The following WDR27 variants were observed in gnomAD, a reference collection of about 807,000 sequenced individuals.
The protein encoded by WDR27 is WD repeat-containing protein 27.
In WDR27, 100 loss-of-function variants were observed where a neutral mutation model predicts 114.4. That is an observed-to-expected ratio of 0.87 (90% CI 0.74 to 1.03). The LOEUF (loss-of-function observed/expected upper bound fraction) is 1.03, where lower values mean the gene tolerates loss of function less well. Among genes scored for constraint, WDR27 ranks in the 50% least tolerant of loss-of-function variants. The probability of loss-of-function intolerance (pLI) is 0.00; values close to 1 mark genes in which losing one functional copy is unlikely to be tolerated. For missense variants in WDR27, 1,129 were observed against 1,092.9 expected (o/e 1.03, Z -0.47); for synonymous variants, 449 against 423.1 (o/e 1.06, Z -0.75).
intron 25 of WDR27, among the ~76,000 whole-genome samples, chr6:169,489,097 C>A (rs1789371944): frequency 6.6e-6 from 1 of 152,052 alleles, no homozygotes; most frequent in African/African-American, 2.4e-5. Flanking sequence ...TACTTCCCGA[C>A]CCTGGTGCAG....
chr6:169,564,936 A>G (rs887749771), intron 25 of WDR27, among the ~76,000 whole-genome samples: 3 of 152,232 alleles, frequency 2.0e-5, no homozygotes, highest in African/African-American at 7.2e-5. Context: ...CAGGTGCAGA[A>G]CGGGTCGGGA....
chr6:169,624,008 G>A (rs750774574), intron 21 of WDR27, among the ~76,000 whole-genome samples: 3 of 152,144 alleles, frequency 2.0e-5, no homozygotes, highest in Non-Finnish European at 4.4e-5. Flanking sequence ...ACACAGGATT[G>A]GGGACATGGG....
intron 25 of WDR27, among the ~76,000 whole-genome samples, chr6:169,461,657 AC>A (rs200391415): frequency 0.01 from 1,528 of 148,334 alleles, 17 homozygotes; most frequent in African/African-American, 0.019. Flanking sequence ...TAAAAAAAAA[AC>A]AAAACAAGAA....
At chr6:169,500,750 C>G (rs891648877) in intron 25 of WDR27, among the ~76,000 whole-genome samples, 3 of 152,152 alleles carry the variant, frequency 2.0e-5, no homozygotes, top group African/African-American at 7.2e-5. Flanking sequence ...TGGTGGAGAC[C>G]GCAGTGACAC....
At chr6:169,594,817 A>G (rs921278180) in intron 23 of WDR27, among the ~76,000 whole-genome samples, 2 of 152,208 alleles carry the variant, frequency 1.3e-5, no homozygotes, top group African/African-American at 4.8e-5. Flanking sequence ...TGTATTCAGC[A>G]TGGACTCAGA....
intron 25 of WDR27, among the ~76,000 whole-genome samples, chr6:169,524,259 A>C (rs1794714402): frequency 6.6e-6 from 1 of 152,208 alleles, no homozygotes; most frequent in African/African-American, 2.4e-5. Context: ...GAAAAATATA[A>C]AACAATGATG....
intron 25 of WDR27, among the ~76,000 whole-genome samples, chr6:169,476,801 C>T (rs1249048022): frequency 6.6e-6 from 1 of 151,982 alleles, no homozygotes; most frequent in Non-Finnish European, 1.5e-5. Context: ...ATGCAGTGAC[C>T]TTGTTGAATT....
chr6:169,463,412 A>G (rs1785157756), intron 25 of WDR27, among the ~76,000 whole-genome samples: 1 of 152,192 alleles, frequency 6.6e-6, no homozygotes, highest in Admixed American at 6.5e-5. Flanking sequence ...AGCATCACAT[A>G]TGAAAAACCA....
intron 25 of WDR27, among the ~76,000 whole-genome samples, chr6:169,564,546 C>T (rs1800151099): frequency 1.3e-5 from 2 of 152,370 alleles, no homozygotes; most frequent in African/African-American, 4.8e-5. Flanking sequence ...GTCCCTCCCT[C>T]ACCACCTCCT....
chr6:169,435,407 C>T, the WDR27 span, among the ~76,000 whole-genome samples: 1 of 152,186 alleles, frequency 6.6e-6, no homozygotes, highest in Non-Finnish European at 1.5e-5. Context: ...TTGCACCGTG[C>T]TCCTGGAAAA....
chr6:169,538,735 CAA>C (rs1491569970), intron 25 of WDR27, among the ~76,000 whole-genome samples: 3 of 149,988 alleles, frequency 2.0e-5, no homozygotes, highest in Non-Finnish European at 3.0e-5. Flanking sequence ...CACACACACA[CAA>C]ACACACTTAT....
chr6:169,668,874 C>T (rs540736523), intron 4 of WDR27: 1 of 152,338 alleles, frequency 6.6e-6, no homozygotes, highest in African/African-American at 2.4e-5. Flanking sequence ...CTCTGGAAGA[C>T]TTTCTTTAGT....
Position 169,644,593 on chromosome 6 carries a change from G to A in WDR27, c.1658-807C>T, listed in dbSNP as rs369128899. Among the ~76,000 whole-genome samples, 332 of 92,052 alleles carry A rather than the reference G, an allele frequency of 3.6e-3. 2 individuals carry two copies. Among genetic ancestry groups the A allele is most frequent in the African/African-American group, 0.011 (266 of 24,992 alleles). The allele number at this position is 92,052 out of a possible 152,430, so 60.4% of individuals were successfully genotyped here. A position where few individuals can be genotyped will look rare whatever the true frequency, so the allele number is the denominator to read the frequency against. On this transcript the variant is annotated intron_variant, in intron 16 of 25. Transcript: ENST00000448612. ...GCCTAGTTCACAGGAGTCACACTGT[G>A]GAAAACCCTAGTTCACAGGAGTCAC... is the stretch of plus-strand genomic sequence containing the variant.
intron 21 of WDR27, among the ~76,000 whole-genome samples, chr6:169,621,269 TACACAC>T (rs146516854): frequency 3.3e-5 from 5 of 150,602 alleles, no homozygotes; most frequent in Non-Finnish European, 5.9e-5. Flanking sequence ...CATTCATGCA[TACACAC>T]ACACACACAC....
chr6:169,645,706 G>C (rs1820542394), intron 16 of WDR27, among the ~76,000 whole-genome samples: 1 of 144,644 alleles, frequency 6.9e-6, no homozygotes, highest in Non-Finnish European at 1.6e-5. Flanking sequence ...TCACACTGTA[G>C]AAAATCCTAG....
intron 21 of WDR27, among the ~76,000 whole-genome samples, chr6:169,630,254 G>A (rs1816004131): frequency 1.3e-5 from 2 of 152,158 alleles, no homozygotes; most frequent in Non-Finnish European, 1.5e-5. Flanking sequence ...AAATCTACAT[G>A]CTGACGAGTC....
intron 15 of WDR27, 42 bp from the exon 16 acceptor site, chr6:169,647,912 C>A (rs1821214582): frequency 1.4e-6 from 2 of 1,400,392 alleles, no homozygotes; most frequent in Non-Finnish European, 1.9e-6. Flanking sequence ...GAGACATTCA[C>A]AGTGAGATTA....
At chr6:169,530,778 C>T (rs1428284579) in intron 25 of WDR27, among the ~76,000 whole-genome samples, 1 of 152,202 alleles carries the variant, frequency 6.6e-6, no homozygotes, top group Non-Finnish European at 1.5e-5. Flanking sequence ...GAAAATAATG[C>T]ATCCATAACA....
intron 24 of WDR27, among the ~76,000 whole-genome samples, chr6:169,578,332 A>C (rs1802791969): frequency 6.6e-6 from 1 of 152,246 alleles, no homozygotes; most frequent in Admixed American, 6.5e-5. Context: ...TATCTTCCAG[A>C]AAGTCCTCTT....
Sources: allele counts gnomAD v4.1 joint callset (sites outside exome capture counted in the v4.1 genomes callset), GRCh38; gene constraint gnomAD v4.1.1; transcripts MANE v1.5; gene names NCBI Gene and HGNC (gene_info 2026-07-23, HGNC 2026-07-21).